Variants in ITFG1 observed in about 807,000 individuals in gnomAD.
ITFG1 encodes T-cell immunomodulatory protein.
A neutral mutation model predicts 81.8 loss-of-function variants in ITFG1; 34 were observed. The ratio of observed to expected loss-of-function variants is 0.42; its 90% CI spans 0.32 to 0.55. The LOEUF (loss-of-function observed/expected upper bound fraction) is 0.55, where lower values mean the gene tolerates loss of function less well. Among genes scored for constraint, ITFG1 ranks in the 20% least tolerant of loss-of-function variants. The pLI, the probability that ITFG1 is intolerant of heterozygous loss-of-function variation, is 0.17. For synonymous variants in ITFG1, 285 were observed against 270.6 expected (o/e 1.05, Z -0.52); for missense variants, 672 against 755.4 (o/e 0.89, Z 1.29).
intron 17 of ITFG1, 52 bp downstream of exon 17, chr16:47,158,821 G>A: frequency 2.3e-6 from 2 of 872,656 alleles, no homozygotes; most frequent in Non-Finnish European, 3.8e-6. Context: ...AGCAATGTAT[G>A]TATTACTAGA....
chr16:47,459,046 T>C (rs1252009513), intron 2 of ITFG1, 57 bp downstream of exon 2: 1 of 1,029,644 alleles, frequency 9.7e-7, no homozygotes, highest in East Asian at 2.4e-5. Flanking sequence ...AGCTACTGCA[T>C]ATCCATTATT....
chr16:47,273,253 T>C (rs1248717959), intron 10 of ITFG1, among the ~76,000 whole-genome samples: 1 of 151,986 alleles, frequency 6.6e-6, no homozygotes, highest in African/African-American at 2.4e-5. Flanking sequence ...GATACGTCTG[T>C]CTTACTGTAT....
intron 5 of ITFG1, among the ~76,000 whole-genome samples, chr16:47,431,512 A>T (rs922632522): frequency 6.6e-6 from 1 of 152,172 alleles, no homozygotes; most frequent in African/African-American, 2.4e-5. Flanking sequence ...GAGTTCCATG[A>T]CACCGGTCCC....
At chr16:47,173,429 T>A (rs1031191172) in intron 14 of ITFG1, among the ~76,000 whole-genome samples, 1 of 152,302 alleles carries the variant, frequency 6.6e-6, no homozygotes, top group East Asian at 1.9e-4. Flanking sequence ...TTTGTTAAAT[T>A]AATAAATAAT....
chr16:47,322,024 A>G (rs1306739698), intron 8 of ITFG1, among the ~76,000 whole-genome samples: 2 of 152,212 alleles, frequency 1.3e-5, no homozygotes, highest in African/African-American at 4.8e-5. Context: ...ATGAATATGT[A>G]CATGGATTTA....
intron 6 of ITFG1, among the ~76,000 whole-genome samples, chr16:47,418,987 T>G (rs192651922): frequency 3.3e-5 from 5 of 152,218 alleles, no homozygotes; most frequent in Non-Finnish European, 7.3e-5. Context: ...TTTGGAAATA[T>G]GGTCATATAA....
intron 14 of ITFG1, among the ~76,000 whole-genome samples, chr16:47,181,156 A>G (rs1184537063): frequency 2.3e-5 from 3 of 130,752 alleles, no homozygotes; most frequent in African/African-American, 8.7e-5. Context: ...CCACCGCCCC[A>G]TCTGGGATGT....
intron 10 of ITFG1, among the ~76,000 whole-genome samples, chr16:47,304,880 G>T (rs1567452802): frequency 6.6e-6 from 1 of 152,126 alleles, no homozygotes; most frequent in South Asian, 2.1e-4. Context: ...TAAAAAAGCT[G>T]ATTGATATTA....
intron 9 of ITFG1, chr16:47,312,628 T>C (rs1284251905): frequency 2.0e-5 from 3 of 152,228 alleles, no homozygotes; most frequent in Admixed American, 6.5e-5. Context: ...AATTGTTGTG[T>C]TTTATTTCAG....
At chr16:47,316,913 G>A (rs1348256907) in intron 8 of ITFG1, among the ~76,000 whole-genome samples, 1 of 152,150 alleles carries the variant, frequency 6.6e-6, no homozygotes, top group Admixed American at 6.5e-5. Flanking sequence ...TGTGAACTTG[G>A]CACAGTACTT....
chr16:47,268,364 T>C (rs1202999204), intron 10 of ITFG1, among the ~76,000 whole-genome samples: 1 of 152,122 alleles, frequency 6.6e-6, no homozygotes, highest in Non-Finnish European at 1.5e-5. Context: ...GAAATTGCAG[T>C]GTAACAGTCT....
chr16:47,224,597 G>A (rs1319182600), intron 13 of ITFG1, among the ~76,000 whole-genome samples: 1 of 152,132 alleles, frequency 6.6e-6, no homozygotes, highest in Non-Finnish European at 1.5e-5. Flanking sequence ...CCCAGGCAAT[G>A]GGAGAAATCT....
intron 13 of ITFG1, among the ~76,000 whole-genome samples, chr16:47,222,366 G>A (rs2151528359): frequency 6.6e-6 from 1 of 151,282 alleles, no homozygotes; most frequent in South Asian, 2.1e-4. Flanking sequence ...TTCAGGAGCA[G>A]GTTGTTCAGT....
chr16:47,416,848 C>G (rs1208362176), intron 6 of ITFG1, among the ~76,000 whole-genome samples: 1 of 152,152 alleles, frequency 6.6e-6, no homozygotes, highest in East Asian at 1.9e-4. Context: ...AGGACTAACA[C>G]AGTGTTCTAG....
At chr16:47,461,112 T>C (rs1969537456), upstream of ITFG1, 4 of 1,413,454 alleles carry the variant, frequency 2.8e-6, no homozygotes, top group Non-Finnish European at 3.7e-6. Context: ...AGCACCGCGT[T>C]ACCGGCCGAG....
chr16:47,154,419 C>T lies in ITFG1; in HGVS notation c.*1300G>A, dbSNP rs1411135324. 6.6e-6 allele frequency: 1 copy of T among 152,144 alleles called. No homozygotes were observed. Among genetic ancestry groups the T allele is most frequent in the Non-Finnish European group, 1.5e-5 (1 of 68,018 alleles). 9.4% of individuals were successfully genotyped at this position (152,144 alleles called of 1,614,324 possible). A position where few individuals can be genotyped will look rare whatever the true frequency, so the allele number is the denominator to read the frequency against. ...CAATAAGGAATATTTATTAAGAAGA[C>T]ATGTTAACATGCTTAGATACAAAGT... On this transcript the variant is annotated 3_prime_UTR_variant, in exon 18 of 18. Transcript: ENST00000320640.
At chr16:47,265,561 G>A (rs899749125) in intron 10 of ITFG1, among the ~76,000 whole-genome samples, 3 of 152,068 alleles carry the variant, frequency 2.0e-5, no homozygotes, top group Non-Finnish European at 4.4e-5. Flanking sequence ...GAAACTATAC[G>A]TGAAGTGCTA....
At chr16:47,324,803 T>A (rs1367739592) in intron 8 of ITFG1, among the ~76,000 whole-genome samples, 29 of 152,004 alleles carry the variant, frequency 1.9e-4, no homozygotes, top group African/African-American at 6.8e-4. Flanking sequence ...ATATATATGC[T>A]CCCAATACAG....
Position 47,443,083 on chromosome 16 carries a change from C to G in ITFG1, c.560+8313G>C, listed in dbSNP as rs537999299. 1.2e-4 allele frequency among the ~76,000 whole-genome samples: 18 copies of G among 152,256 alleles called. No individual in the cohort carries two copies. In the South Asian group the frequency reaches 3.5e-3, roughly 30 times the overall value. On this transcript the variant is annotated intron_variant, in intron 5 of 17. Transcript: ENST00000320640. ...AAAAACAACCCCATCAAAAAGTGGG[C>G]AAAGGGCATGAACAGACACTTCTCA...
Sources: allele counts gnomAD v4.1 joint callset (sites outside exome capture counted in the v4.1 genomes callset), GRCh38; gene constraint gnomAD v4.1.1; transcripts MANE v1.5; gene names NCBI Gene and HGNC (gene_info 2026-07-23, HGNC 2026-07-21).